Variants in IPMK observed in about 807,000 individuals in gnomAD.
The protein encoded by IPMK is inositol polyphosphate multikinase.
IPMK carries 17 observed loss-of-function variants against 45.8 expected under a neutral mutation model. The observed-to-expected ratio is 0.37, with a 90% CI of 0.25 to 0.56. The LOEUF (loss-of-function observed/expected upper bound fraction) is 0.56. IPMK is among the 20% of genes least tolerant of loss of function. The pLI is 0.79. For synonymous variants in IPMK, 180 were observed against 184.3 expected, an observed-to-expected ratio of 0.98 and a Z score of 0.19; for missense variants, 399 against 498.0, an observed-to-expected ratio of 0.80 and a Z score of 1.89.
intron 1 of IPMK, among the ~76,000 whole-genome samples, chr10:58,258,090 C>G (rs1256764303): frequency 1.3e-5 from 2 of 152,142 alleles, no homozygotes; most frequent in African/African-American, 4.8e-5. Context: ...GCGTGCAGAT[C>G]ATGAGGTCAG....
chr10:58,226,807 T>C (rs1312246082), intron 3 of IPMK, among the ~76,000 whole-genome samples: 1 of 152,202 alleles, frequency 6.6e-6, no homozygotes, highest in Non-Finnish European at 1.5e-5. Flanking sequence ...TAAGTCTATA[T>C]GCTTCCATTC....
intron 1 of IPMK, among the ~76,000 whole-genome samples, chr10:58,241,805 T>C (rs1327567607): frequency 6.6e-6 from 1 of 151,912 alleles, no homozygotes; most frequent in African/African-American, 2.4e-5. Flanking sequence ...ATTACCTCCA[T>C]AAAGGTGCAA....
At chr10:58,198,940 C>T (rs1215932745) in intron 5 of IPMK, among the ~76,000 whole-genome samples, 2 of 151,994 alleles carry the variant, frequency 1.3e-5, no homozygotes, top group Admixed American at 1.3e-4. Context: ...TAATTTTATA[C>T]ACAACCTCTA....
At chr10:58,232,950 G>C (rs539481372) in intron 2 of IPMK, among the ~76,000 whole-genome samples, 6 of 151,808 alleles carry the variant, frequency 4.0e-5, no homozygotes, top group Admixed American at 6.6e-5. Context: ...ATAAAGAAGA[G>C]AGAAGAATCA....
chr10:58,254,380 C>T (rs537144579), intron 1 of IPMK, among the ~76,000 whole-genome samples: 10 of 152,160 alleles, frequency 6.6e-5, no homozygotes, highest in African/African-American at 2.4e-4. Context: ...GGATCTCTCT[C>T]TTTTTTAAAA....
rs527591487 is a variant in IPMK at position 58,195,014 on chromosome 10, T to C, written c.*1062A>G. ...AGTGAAATAGAAGCATGAATATAGA[T>C]ACGCACCAAACCCTATATTACGGAC... On this transcript the variant is annotated 3_prime_UTR_variant, in exon 6 of 6. Transcript: ENST00000373935. 5 of 152,118 alleles carry C rather than the reference T, an allele frequency of 3.3e-5. No homozygotes were observed. The highest frequency in any genetic ancestry group is 4.1e-4 in the South Asian group (2 of 4,826). 9.4% of individuals were successfully genotyped at this position (152,118 alleles called of 1,614,324 possible).
chr10:58,207,250 G>A (rs1262017222), intron 4 of IPMK, among the ~76,000 whole-genome samples: 2 of 152,226 alleles, frequency 1.3e-5, no homozygotes, highest in Admixed American at 1.3e-4. Context: ...TGATCCGCCT[G>A]CCTCGGCCTC....
Position 58,251,001 on chromosome 10 carries a change from A to G in IPMK, c.191-13187T>C, listed in dbSNP as rs1838872254. 2.0e-5 allele frequency among the ~76,000 whole-genome samples: 3 copies of G among 152,098 alleles called. No individual in the cohort carries two copies. In the South Asian group the frequency reaches 6.2e-4, roughly 31 times the overall value. ...TTCTTGATTTGCCATAGTATGTCAA[A>G]CCATCCTTAGAGACTTTTCATCTAT... On this transcript the variant is annotated intron_variant, in intron 1 of 5. Transcript: ENST00000373935.
intron 1 of IPMK, among the ~76,000 whole-genome samples, chr10:58,242,558 A>C (rs1387113313): frequency 6.6e-6 from 1 of 152,178 alleles, no homozygotes; most frequent in Admixed American, 6.5e-5. Context: ...AATACATGGT[A>C]TAACAGAGAT....
intron 1 of IPMK, among the ~76,000 whole-genome samples, chr10:58,252,883 A>AT (rs1838906007): frequency 6.6e-6 from 1 of 152,038 alleles, no homozygotes; most frequent in Non-Finnish European, 1.5e-5. Context: ...TAGTGCTAGG[A>AT]TTACAGGCAT....
chr10:58,224,892 T>A (rs1436621453), intron 3 of IPMK, among the ~76,000 whole-genome samples: 1 of 152,234 alleles, frequency 6.6e-6, no homozygotes, highest in Non-Finnish European at 1.5e-5. Flanking sequence ...GTACATAAGT[T>A]TGCTGTCTTC....
intron 1 of IPMK, among the ~76,000 whole-genome samples, chr10:58,250,078 G>C (rs1405577500): frequency 6.6e-6 from 1 of 152,166 alleles, no homozygotes; most frequent in Non-Finnish European, 1.5e-5. Flanking sequence ...TGGTGTTTTG[G>C]ATATTACAGC....
At chr10:58,227,530 T>C (rs994242846) in intron 2 of IPMK, among the ~76,000 whole-genome samples, 13 of 152,332 alleles carry the variant, frequency 8.5e-5, no homozygotes, top group African/African-American at 3.1e-4. Context: ...CAAACTTCCA[T>C]TATTCCAGAT....
rs766684585 is a variant in IPMK at position 58,227,051 on chromosome 10, G to A, written c.365C>T (p.Ala122Val). ...KYYGIWSPPT[A>V]PNDLYLKLED... ...TTTTATGACAAGATTACCGTTTGGT[G>A]CAGTGGGAGGTGACCAGATGCCATA... The change falls in exon 3 of 6, where the codon GCA (alanine) becomes GTA (valine). Residue 122 changes from alanine (A) to valine (V), a missense_variant. Transcript: ENST00000373935. The A allele has an allele frequency of 1.2e-6, 2 of 1,603,232 alleles. No homozygotes were observed. Among genetic ancestry groups the A allele is most frequent in the Admixed American group, 1.7e-5 (1 of 59,888 alleles).
intron 1 of IPMK, among the ~76,000 whole-genome samples, chr10:58,244,936 C>G (rs988978943): frequency 6.6e-6 from 1 of 151,976 alleles, no homozygotes; most frequent in African/African-American, 2.4e-5. Flanking sequence ...CCTAGGAAAA[C>G]CAGAGACCTT....
intron 3 of IPMK, among the ~76,000 whole-genome samples, chr10:58,219,316 T>C (rs1396106646): frequency 6.6e-6 from 1 of 152,218 alleles, no homozygotes. Context: ...AAGAATGCGA[T>C]ACCATGTCTT....
Position 58,192,790 on chromosome 10 carries a change from A to G in IPMK, c.*3286T>C, listed in dbSNP as rs1474604495. On this transcript the variant is annotated 3_prime_UTR_variant, in exon 6 of 6. Transcript: ENST00000373935. ...ACAGATAATTGTTACCTCTTTAAAT[A>G]ATCAGATTGACAATTATTAAAAAGG... 1 of 152,068 alleles carries G rather than the reference A, an allele frequency of 6.6e-6. No homozygotes were observed. Among genetic ancestry groups the G allele is most frequent in the Non-Finnish European group, 1.5e-5 (1 of 67,918 alleles). The allele number at this position is 152,068 out of a possible 1,614,324, so 9.4% of individuals were successfully genotyped here.
At chr10:58,261,486 A>T (rs2590359) in intron 1 of IPMK, among the ~76,000 whole-genome samples, 51,015 of 151,562 alleles carry the variant, frequency 0.34, 10,746 homozygotes, top group African/African-American at 0.6. Flanking sequence ...TTTAAACAGA[A>T]ACAAATGAAC....
At chr10:58,263,760 C>A (rs1358575778) in intron 1 of IPMK, among the ~76,000 whole-genome samples, 1 of 152,168 alleles carries the variant, frequency 6.6e-6, no homozygotes, top group East Asian at 1.9e-4. Context: ...TAATCCACTA[C>A]CAAAGGGCAG....
Sources: gnomAD v4.1 joint callset for allele counts (sites outside exome capture counted in the v4.1 genomes callset) on GRCh38, gnomAD v4.1.1 for gene constraint, MANE v1.5 for transcripts, NCBI Gene and HGNC (gene_info 2026-07-23, HGNC 2026-07-21) for gene names.